The following NTNG1 variants were observed in gnomAD, a reference collection of about 807,000 sequenced individuals.
NTNG1 encodes the protein netrin-G1.
In NTNG1, 16 loss-of-function variants were observed where a neutral mutation model predicts 54.0. The ratio of observed to expected loss-of-function variants is 0.30; its 90% CI spans 0.20 to 0.45. NTNG1 has a LOEUF of 0.45. Ranked by LOEUF, NTNG1 falls within the 20% of genes least tolerant of loss-of-function variation. NTNG1 has a pLI of 1.00. For synonymous variants in NTNG1, 255 were observed against 263.1 expected, an observed-to-expected ratio of 0.97 and a Z score of 0.30; for missense variants, 530 against 678.7, an observed-to-expected ratio of 0.78 and a Z score of 2.43.
intron 2 of NTNG1, among the ~76,000 whole-genome samples, chr1:107,222,919 G>A (rs1379859346): frequency 1.3e-5 from 2 of 151,118 alleles, no homozygotes; most frequent in African/African-American, 2.4e-5. Context: ...CCAACATTTG[G>A]TCCTGGAGCT....
intron 2 of NTNG1, among the ~76,000 whole-genome samples, chr1:107,223,681 AT>A (rs1660495791): frequency 6.6e-6 from 1 of 152,124 alleles, no homozygotes; most frequent in Non-Finnish European, 1.5e-5. Context: ...ATAACAAAAA[AT>A]AAACAGTCTT....
At chr1:107,274,536 C>T (rs1664344654) in intron 2 of NTNG1, among the ~76,000 whole-genome samples, 1 of 152,130 alleles carries the variant, frequency 6.6e-6, no homozygotes, top group Non-Finnish European at 1.5e-5. Context: ...AAACACAAGC[C>T]TTAAATAACT....
chr1:107,240,254 C>T (rs930152133), intron 2 of NTNG1, among the ~76,000 whole-genome samples: 12 of 151,430 alleles, frequency 7.9e-5, no homozygotes, highest in African/African-American at 2.9e-4. Flanking sequence ...GATGTTTATC[C>T]CTTTTGAGTG....
intron 2 of NTNG1, among the ~76,000 whole-genome samples, chr1:107,235,200 T>A (rs975483387): frequency 2.6e-5 from 4 of 152,172 alleles, no homozygotes; most frequent in Non-Finnish European, 4.4e-5. Context: ...ATTTCAGTTC[T>A]GACACGGAAA....
intron 7 of NTNG1, chr1:107,460,461 C>T (rs1313671274): frequency 3.9e-6 from 2 of 516,356 alleles, no homozygotes; most frequent in African/African-American, 3.9e-5. Context: ...CAAAGAAATC[C>T]AATAGTTTTC....
intron 5 of NTNG1, chr1:107,420,958 A>G (rs1674534965): frequency 1.5e-6 from 1 of 680,144 alleles, no homozygotes; most frequent in Non-Finnish European, 2.6e-6. Context: ...AAACTCCTAG[A>G]AACAACAGAT....
chr1:107,456,743 T>C (rs1406695850), intron 7 of NTNG1, among the ~76,000 whole-genome samples: 2 of 152,236 alleles, frequency 1.3e-5, no homozygotes. Flanking sequence ...GACCTTTGTC[T>C]GGCTATGCAA....
In NTNG1 at chr1:107,305,394, A is replaced by G. The variant is rs564925392; in HGVS notation, c.247-18888A>G. On this transcript the variant is annotated intron_variant, in intron 2 of 7. Coordinates refer to ENST00000370068, the MANE Select transcript of NTNG1 (RefSeq NM_001113226.3). ...CCTATTTCTCCACATCCTCTCCAGC[A>G]TCTGTTGTTTCCTGACTTCTTAATG... 3.3e-5 allele frequency among the ~76,000 whole-genome samples: 5 copies of G among 152,276 alleles called. No individual in the cohort carries two copies. In the East Asian group the frequency reaches 5.8e-4, roughly 18 times the overall value.
intron 2 of NTNG1, among the ~76,000 whole-genome samples, chr1:107,276,674 C>A (rs1390041559): frequency 2.0e-5 from 3 of 152,042 alleles, no homozygotes; most frequent in Admixed American, 2.0e-4. Context: ...CATATTCAAT[C>A]TCTGTATCTT....
intron 2 of NTNG1, among the ~76,000 whole-genome samples, chr1:107,201,960 C>T (rs548494094): frequency 6.6e-6 from 1 of 151,926 alleles, no homozygotes; most frequent in East Asian, 1.9e-4. Context: ...TATAGTTTTA[C>T]TGGATTATTC....
intron 1 of NTNG1, among the ~76,000 whole-genome samples, chr1:107,145,167 T>A (rs970547015): frequency 6.6e-6 from 1 of 152,102 alleles, no homozygotes; most frequent in Non-Finnish European, 1.5e-5. Context: ...TTTTAACCTG[T>A]TTGAAAGCAC....
rs1243044394 is a variant in NTNG1 at position 107,148,366 on chromosome 1, G to C, written c.-228G>C. On this transcript the variant is annotated 5_prime_UTR_variant, in exon 2 of 8. Transcript: ENST00000370068. ...AACGCCTAACACACAAGTATGTTAG[G>C]CTTCCACCAAAGTCCTCAATATACC... 4.1e-6 allele frequency: 2 copies of C among 488,864 alleles called. No homozygotes were observed. Among genetic ancestry groups the C allele is most frequent in the East Asian group, 3.3e-5 (1 of 30,016 alleles). 30.3% of individuals were successfully genotyped at this position (488,864 alleles called of 1,614,324 possible).
intron 3 of NTNG1, among the ~76,000 whole-genome samples, chr1:107,376,374 CTCCA>C (rs1557945774): frequency 6.6e-5 from 10 of 151,512 alleles, no homozygotes; most frequent in Admixed American, 5.9e-4. Flanking sequence ...CGCCACTGCA[CTCCA>C]GCCTGGGTGA....
At chr1:107,324,033 C>T (rs1281870693) in intron 2 of NTNG1, among the ~76,000 whole-genome samples, 1 of 151,646 alleles carries the variant, frequency 6.6e-6, no homozygotes, top group Non-Finnish European at 1.5e-5. Flanking sequence ...ATGGGTCTAA[C>T]ACATATGGGA....
chr1:107,467,697 T>G (rs945007105), intron 7 of NTNG1, among the ~76,000 whole-genome samples: 1 of 152,238 alleles, frequency 6.6e-6, no homozygotes, highest in Admixed American at 6.5e-5. Context: ...CAATGTGAGT[T>G]ACAATAGTCA....
intron 3 of NTNG1, among the ~76,000 whole-genome samples, chr1:107,346,272 C>G (rs930654953): frequency 6.6e-6 from 1 of 152,146 alleles, no homozygotes; most frequent in African/African-American, 2.4e-5. Context: ...TTCTTTGGCT[C>G]TGGGTATAGA....
intron 2 of NTNG1, among the ~76,000 whole-genome samples, chr1:107,213,513 C>G (rs1659733173): frequency 6.6e-6 from 1 of 151,990 alleles, no homozygotes; most frequent in African/African-American, 2.4e-5. Flanking sequence ...TTTCTAGGTA[C>G]CTACTAAGCT....
At chr1:107,311,571 A>G (rs1478311436) in intron 2 of NTNG1, among the ~76,000 whole-genome samples, 1 of 151,966 alleles carries the variant, frequency 6.6e-6, no homozygotes, top group African/African-American at 2.4e-5. Context: ...TCCATATACA[A>G]CTCATTGAAA....
intron 2 of NTNG1, among the ~76,000 whole-genome samples, chr1:107,315,092 C>G (rs1223404030): frequency 6.6e-6 from 1 of 152,180 alleles, no homozygotes. Context: ...AAAAGTACCA[C>G]CAAACACCTA....
Sources: gnomAD v4.1 joint callset for allele counts (sites outside exome capture counted in the v4.1 genomes callset) on GRCh38, gnomAD v4.1.1 for gene constraint, MANE v1.5 for transcripts, NCBI Gene and HGNC (gene_info 2026-07-23, HGNC 2026-07-21) for gene names.